Variants in B3GALT1 observed in about 807,000 individuals in gnomAD.
B3GALT1 encodes the protein beta-1,3-galactosyltransferase 1, also known as UDP-Gal:betaGlcNAc beta 1,3-galactosyltransferase, polypeptide 1.
Under a neutral mutation model 23.2 loss-of-function variants are expected in B3GALT1, and 10 were observed. The ratio of observed to expected loss-of-function variants is 0.43; its 90% CI spans 0.27 to 0.73. B3GALT1 has a LOEUF of 0.73. B3GALT1 is among the 30% of genes least tolerant of loss of function. The pLI is 0.21. For synonymous variants in B3GALT1, 156 were observed against 141.5 expected (o/e 1.10, Z -0.73); for missense variants, 299 against 405.4 (o/e 0.74, Z 2.25).
chr2:167,774,766 G>T (rs1164933024), intron 3 of B3GALT1, among the ~76,000 whole-genome samples: 2 of 151,978 alleles, frequency 1.3e-5, no homozygotes, highest in African/African-American at 4.8e-5. Context: ...AAAGTGCTGG[G>T]ATTACAGGCG....
At chr2:167,788,719 G>A (rs1307190334) in intron 3 of B3GALT1, among the ~76,000 whole-genome samples, 1 of 151,940 alleles carries the variant, frequency 6.6e-6, no homozygotes, top group Non-Finnish European at 1.5e-5. Context: ...CAGGGGTTGG[G>A]GACCCCTAAT....
At chr2:167,760,434 G>A (rs576763939) in intron 3 of B3GALT1, among the ~76,000 whole-genome samples, 18 of 152,188 alleles carry the variant, frequency 1.2e-4, no homozygotes, top group African/African-American at 3.6e-4. Context: ...TGAAGACGCC[G>A]GATGTCACAG....
intron 2 of B3GALT1, among the ~76,000 whole-genome samples, chr2:167,524,752 G>C (rs1436074385): frequency 6.6e-6 from 1 of 152,170 alleles, no homozygotes; most frequent in Non-Finnish European, 1.5e-5. Flanking sequence ...TTGCAAGAGA[G>C]AGGCAGAGAG....
chr2:167,435,611 C>T (rs1452430543), intron 1 of B3GALT1, among the ~76,000 whole-genome samples: 1 of 151,928 alleles, frequency 6.6e-6, no homozygotes, highest in African/African-American at 2.4e-5. Flanking sequence ...CCTGGGCAAA[C>T]AAGAGGAGAC....
chr2:167,867,711 AC>A (rs1286258309), intron 4 of B3GALT1, among the ~76,000 whole-genome samples: 1 of 152,220 alleles, frequency 6.6e-6, no homozygotes, highest in Non-Finnish European at 1.5e-5. Context: ...TAAAATTGAT[AC>A]CTATTCTCTA....
At chr2:167,682,644 G>T (rs1400809268) in intron 3 of B3GALT1, among the ~76,000 whole-genome samples, 1 of 152,156 alleles carries the variant, frequency 6.6e-6, no homozygotes, top group Non-Finnish European at 1.5e-5. Flanking sequence ...GTAGAGGTGG[G>T]GATCCAGCCC....
At chr2:167,566,357 G>A (rs934859999) in intron 2 of B3GALT1, among the ~76,000 whole-genome samples, 10 of 151,438 alleles carry the variant, frequency 6.6e-5, no homozygotes, top group Non-Finnish European at 8.8e-5. Flanking sequence ...GTTTTGGGGT[G>A]GGGGGAGAGG....
chr2:167,852,270 C>G (rs1478427030), intron 4 of B3GALT1, among the ~76,000 whole-genome samples: 1 of 152,166 alleles, frequency 6.6e-6, no homozygotes, highest in Admixed American at 6.5e-5. Flanking sequence ...ACAATTTACA[C>G]ATTACTGCTC....
chr2:167,396,174 G>A (rs1388495063), intron 1 of B3GALT1, among the ~76,000 whole-genome samples: 3 of 152,096 alleles, frequency 2.0e-5, no homozygotes. Context: ...CCTCTGAAGA[G>A]CTTATATCTA....
At chr2:167,612,086 G>A (rs1685077020) in intron 2 of B3GALT1, among the ~76,000 whole-genome samples, 1 of 151,946 alleles carries the variant, frequency 6.6e-6, no homozygotes, top group South Asian at 2.1e-4. Context: ...CAGAGGGTTG[G>A]TGATAGCCTG....
intron 3 of B3GALT1, among the ~76,000 whole-genome samples, chr2:167,804,083 G>A (rs998000939): frequency 3.9e-5 from 6 of 152,012 alleles, no homozygotes; most frequent in Non-Finnish European, 5.9e-5. Flanking sequence ...GCAACCTCCC[G>A]GGTTCAAGAC....
intron 4 of B3GALT1, among the ~76,000 whole-genome samples, chr2:167,824,076 T>G (rs1056174719): frequency 1.3e-5 from 2 of 152,210 alleles, no homozygotes; most frequent in African/African-American, 4.8e-5. Flanking sequence ...GCTGAGAAGT[T>G]GGGAAGAATA....
intron 2 of B3GALT1, among the ~76,000 whole-genome samples, chr2:167,496,480 G>C (rs1699784993): frequency 1.3e-5 from 2 of 152,146 alleles, no homozygotes; most frequent in Non-Finnish European, 2.9e-5. Context: ...ACTTAGACTA[G>C]GCTGTTGGCA....
chr2:167,636,683 C>T (rs1437269490), intron 2 of B3GALT1, among the ~76,000 whole-genome samples: 1 of 151,998 alleles, frequency 6.6e-6, no homozygotes, highest in Non-Finnish European at 1.5e-5. Flanking sequence ...ATGTCTTTTG[C>T]AGGGACATGG....
intron 3 of B3GALT1, among the ~76,000 whole-genome samples, chr2:167,814,183 G>A (rs549741015): frequency 2.6e-5 from 4 of 152,134 alleles, no homozygotes; most frequent in African/African-American, 7.2e-5. Context: ...TTGTTTGATC[G>A]TTCTAGTACT....
chr2:167,463,441 G>A (rs1699296998), intron 1 of B3GALT1, among the ~76,000 whole-genome samples: 1 of 151,886 alleles, frequency 6.6e-6, no homozygotes, highest in South Asian at 2.1e-4. Context: ...ACTATTCTAA[G>A]TATTTTACCT....
intron 3 of B3GALT1, among the ~76,000 whole-genome samples, 180 bp from the exon 4 acceptor site, chr2:167,818,492 T>G (rs13409500): frequency 0.021 from 3,142 of 152,290 alleles, 117 homozygotes; most frequent in African/African-American, 0.072. Context: ...TGAGGTTAAT[T>G]TCTTCATTCT....
chr2:167,829,646 GAA>G (rs953547118), intron 4 of B3GALT1, among the ~76,000 whole-genome samples: 5 of 152,072 alleles, frequency 3.3e-5, no homozygotes, highest in Admixed American at 6.6e-5. Flanking sequence ...TCCCACTCTT[GAA>G]AAGTCTCAGT....
intron 1 of B3GALT1, among the ~76,000 whole-genome samples, chr2:167,425,950 T>C (rs1698616211): frequency 6.6e-6 from 1 of 152,216 alleles, no homozygotes. Context: ...TTTGCTGCTT[T>C]AAAGCACCTT....
Sources: gnomAD v4.1 joint callset for allele counts (sites outside exome capture counted in the v4.1 genomes callset) on GRCh38, gnomAD v4.1.1 for gene constraint, MANE v1.5 for transcripts, NCBI Gene and HGNC (gene_info 2026-07-23, HGNC 2026-07-21) for gene names.